ATXN8OS: variants seen among roughly 807,000 people sequenced by gnomAD.
ATXN8OS encodes the protein ATXN8 opposite strand lncRNA.
intron 3 of ATXN8OS, chr13:70,130,902 T>C (rs1593763677): frequency 2.5e-6 from 1 of 398,470 alleles, no homozygotes; most frequent in Middle Eastern, 6.3e-4. Flanking sequence ...CCAGAGATAG[T>C]ATAGATAAAT....
At chr13:70,129,004 G>A (rs1888486011) in intron 2 of ATXN8OS, among the ~76,000 whole-genome samples, 1 of 152,004 alleles carries the variant, frequency 6.6e-6, no homozygotes, top group Admixed American at 6.6e-5. Context: ...GGGATTACAG[G>A]CATGCACCAC....
At chr13:70,134,272 GC>G (rs1219891303) in intron 3 of ATXN8OS, among the ~76,000 whole-genome samples, 1 of 152,174 alleles carries the variant, frequency 6.6e-6, no homozygotes, top group Non-Finnish European at 1.5e-5. Context: ...AAGAGCAATT[GC>G]AATCTCTCTC....
chr13:70,140,042 A>G (rs1321788643), intron 3 of ATXN8OS, among the ~76,000 whole-genome samples: 1 of 152,176 alleles, frequency 6.6e-6, no homozygotes, highest in Non-Finnish European at 1.5e-5. Flanking sequence ...GCTAGTAATT[A>G]GGGCTACAAC....
At chr13:70,131,059 G>T (rs1461289416) in intron 3 of ATXN8OS, 5 of 398,290 alleles carry the variant, frequency 1.3e-5, no homozygotes, top group South Asian at 1.3e-4. Flanking sequence ...ATTATTCTTT[G>T]ACCAATTTTG....
chr13:70,120,424 T>C (rs1233494979), intron 2 of ATXN8OS, among the ~76,000 whole-genome samples: 2 of 152,156 alleles, frequency 1.3e-5, no homozygotes, highest in Admixed American at 6.5e-5. Flanking sequence ...CAGAGTTAAA[T>C]TTTTAATAAT....
At chr13:70,168,581 C>G (rs1889106543) in intron 4 of ATXN8OS, among the ~76,000 whole-genome samples, 1 of 145,186 alleles carries the variant, frequency 6.9e-6, no homozygotes, top group Non-Finnish European at 1.5e-5. Context: ...TACTCTCTAT[C>G]TCTGTGACAT....
intron 3 of ATXN8OS, among the ~76,000 whole-genome samples, chr13:70,137,610 G>A (rs1888635871): frequency 6.6e-6 from 1 of 152,054 alleles, no homozygotes; most frequent in Non-Finnish European, 1.5e-5. Context: ...ATTTCTAAAT[G>A]CATCTCTAAT....
At chr13:70,135,213 G>C (rs904730380) in intron 3 of ATXN8OS, among the ~76,000 whole-genome samples, 2 of 152,080 alleles carry the variant, frequency 1.3e-5, no homozygotes, top group African/African-American at 4.8e-5. Context: ...GCAGTCACAA[G>C]GTCCCTAAGG....
At chr13:70,159,501 T>C (rs2137503887) in intron 4 of ATXN8OS, among the ~76,000 whole-genome samples, 1 of 152,242 alleles carries the variant, frequency 6.6e-6, no homozygotes, top group East Asian at 1.9e-4. Context: ...TCGAATTGAA[T>C]TTTTTTATTC....
At chr13:70,131,859 TAACAAAGTATTA>T (rs577177732) in intron 3 of ATXN8OS, among the ~76,000 whole-genome samples, 1 of 152,264 alleles carries the variant, frequency 6.6e-6, no homozygotes, top group East Asian at 1.9e-4. Flanking sequence ...ACCTAACTCC[TAACAAAGTATTA>T]AACAAAATAG....
chr13:70,142,606 A>G (rs1011269569), intron 3 of ATXN8OS, among the ~76,000 whole-genome samples: 2 of 152,226 alleles, frequency 1.3e-5, no homozygotes, highest in Admixed American at 6.5e-5. Context: ...GGAAATAGTA[A>G]TTACTTGTTG....
chr13:70,153,278 A>C (rs977449879), intron 4 of ATXN8OS, among the ~76,000 whole-genome samples: 3 of 152,128 alleles, frequency 2.0e-5, no homozygotes, highest in Admixed American at 2.0e-4. Context: ...TTGACATCAT[A>C]TTGAAAACGA....
At chr13:70,144,631 C>T (rs1260041079) in intron 3 of ATXN8OS, among the ~76,000 whole-genome samples, 1 of 152,006 alleles carries the variant, frequency 6.6e-6, no homozygotes, top group Non-Finnish European at 1.5e-5. Flanking sequence ...ATGTTTTCTA[C>T]TAGTCTGTGC....
chr13:70,107,532 C>A, upstream of ATXN8OS: 1 of 1,610,732 alleles, frequency 6.2e-7, no homozygotes, highest in Non-Finnish European at 8.5e-7. Flanking sequence ...GGCTTTTGAG[C>A]AGGCGACTCT....
At chr13:70,156,259 G>GT (rs1373336456) in intron 4 of ATXN8OS, among the ~76,000 whole-genome samples, 1 of 151,910 alleles carries the variant, frequency 6.6e-6, no homozygotes, top group African/African-American at 2.4e-5. Context: ...GTGTGTGTGT[G>GT]TGTGTGTGTG....
chr13:70,144,432 C>T (rs549267350), intron 3 of ATXN8OS, among the ~76,000 whole-genome samples: 75 of 152,048 alleles, frequency 4.9e-4, no homozygotes, highest in Middle Eastern at 3.4e-3. Context: ...TTTTTATTTT[C>T]TGAATAGAAG....
At chr13:70,145,156 G>A (rs988639993) in intron 3 of ATXN8OS, among the ~76,000 whole-genome samples, 43 of 152,170 alleles carry the variant, frequency 2.8e-4, no homozygotes, top group African/African-American at 9.9e-4. Flanking sequence ...AGATCAGATG[G>A]TTGTAGGTAT....
rs1378589832 is a variant in ATXN8OS, at chr13:70,145,927, T to A, written n.500-1428T>A. Among the ~76,000 whole-genome samples the A allele has an allele frequency of 7.7e-3, 1,147 of 148,876 alleles. 15 individuals are homozygous for A. The highest frequency in any genetic ancestry group is 0.026 in the African/African-American group (1,067 of 40,458). ...ATTGACAAATGGGATCTAATTAAAC[T>A]AAAGAGCTTCTGCACAGCAAAAGAA... On this transcript the variant is annotated intron_variant and non_coding_transcript_variant, in intron 3 of 4. Coordinates refer to ENST00000678624, the Ensembl canonical transcript of ATXN8OS.
At chr13:70,159,099 A>T (rs113827437) in intron 4 of ATXN8OS, among the ~76,000 whole-genome samples, 81 of 152,164 alleles carry the variant, frequency 5.3e-4, no homozygotes, top group African/African-American at 1.9e-3. Flanking sequence ...TTACTAGATA[A>T]TACTATAGTT....
Sources: gnomAD v4.1 joint callset for allele counts (sites outside exome capture counted in the v4.1 genomes callset) on GRCh38, gnomAD v4.1.1 for gene constraint, MANE v1.5 for transcripts, NCBI Gene and HGNC (gene_info 2026-07-23, HGNC 2026-07-21) for gene names.